The following AZI2 variants were observed in gnomAD, a reference collection of about 807,000 sequenced individuals.
The protein encoded by AZI2 is 5-azacytidine-induced protein 2.
Under a neutral mutation model 45.8 loss-of-function variants are expected in AZI2, and 22 were observed. The observed-to-expected ratio is 0.48, with a 90% CI of 0.34 to 0.69. The LOEUF (loss-of-function observed/expected upper bound fraction) is 0.69. AZI2 is among the 30% of genes least tolerant of loss of function. AZI2 has a pLI of 0.01. For synonymous variants in AZI2, 137 were observed against 156.7 expected (o/e 0.87, Z 0.94); for missense variants, 417 against 441.5 (o/e 0.94, Z 0.50).
At chr3:28,324,487 T>C in intron 7 of AZI2, 33 bp from the exon 8 acceptor site, 1 of 1,425,828 alleles carries the variant, frequency 7.0e-7, no homozygotes, top group Non-Finnish European at 9.3e-7. Context: ...ATGTCAGTTT[T>C]CATTACATTT....
At chr3:28,325,755 AT>A (rs936189752) in intron 7 of AZI2, among the ~76,000 whole-genome samples, 2 of 151,176 alleles carry the variant, frequency 1.3e-5, no homozygotes, top group African/African-American at 4.8e-5. Context: ...TTATAGAGAG[AT>A]CTTATTTGTA....
chr3:28,331,841 T>C, intron 6 of AZI2: 1 of 1,545,274 alleles, frequency 6.5e-7, no homozygotes, highest in Middle Eastern at 1.7e-4. Context: ...GTTGAAAAAG[T>C]ATATGAACTC....
chr3:28,326,392 A>G (rs1179933644), intron 7 of AZI2: 5 of 159,842 alleles, frequency 3.1e-5, no homozygotes, highest in Non-Finnish European at 2.7e-5. Context: ...AAAAACCCAA[A>G]TAATGAATCA....
intron 4 of AZI2, among the ~76,000 whole-genome samples, chr3:28,337,288 A>T (rs2125655579): frequency 6.6e-6 from 1 of 152,270 alleles, no homozygotes; most frequent in African/African-American, 2.4e-5. Context: ...ATTTATCCTT[A>T]AACATTCCAC....
intron 5 of AZI2, among the ~76,000 whole-genome samples, chr3:28,334,021 G>A (rs1026391414): frequency 6.6e-6 from 1 of 151,166 alleles, no homozygotes; most frequent in Non-Finnish European, 1.5e-5. Context: ...CAATGGTTCT[G>A]AATATAAATG....
chr3:28,321,697 T>TTCAAG lies in AZI2; in HGVS notation c.*2340_*2344dup. 1 of 151,492 alleles carries TTCAAG rather than the reference T, an allele frequency of 6.6e-6. No homozygotes were observed. The highest frequency in any genetic ancestry group is 2.4e-5 in the African/African-American group (1 of 41,482). The allele number at this position is 151,492 out of a possible 1,614,324, so 9.4% of individuals were successfully genotyped here. On this transcript the variant is annotated 3_prime_UTR_variant, in exon 8 of 8. Coordinates refer to ENST00000479665, the MANE Select transcript of AZI2 (RefSeq NM_022461.5). ...ACTTTGTTGTCACATGATTCAGCTC[T>TTCAAG]TCAAGTCTGAATTTTCCCATTTATT...
intron 1 of AZI2, among the ~76,000 whole-genome samples, chr3:28,344,947 G>A (rs1444169489): frequency 2.0e-5 from 3 of 152,086 alleles, no homozygotes; most frequent in South Asian, 4.1e-4. Flanking sequence ...ACTTCTCTCA[G>A]TGATGAAAAT....
At chr3:28,326,219 A>AGT (rs1703382784) in intron 7 of AZI2, among the ~76,000 whole-genome samples, 1 of 151,074 alleles carries the variant, frequency 6.6e-6, no homozygotes, top group Admixed American at 6.6e-5. Context: ...AGTAGCTACT[A>AGT]CTAGTTAACA....
chr3:28,331,951 C>CT (rs1477835042), intron 6 of AZI2: 3 of 1,526,764 alleles, frequency 2.0e-6, no homozygotes, highest in East Asian at 2.5e-5. Flanking sequence ...TACAGATACT[C>CT]TGTCTCAAAA....
intron 1 of AZI2, among the ~76,000 whole-genome samples, chr3:28,342,681 T>C (rs943492847): frequency 2.7e-5 from 4 of 150,056 alleles, no homozygotes; most frequent in African/African-American, 7.4e-5. Context: ...AAAGTATGCA[T>C]ATATATCTTC....
At chr3:28,327,978 A>G (rs1293375925) in intron 6 of AZI2, among the ~76,000 whole-genome samples, 1 of 150,414 alleles carries the variant, frequency 6.6e-6, no homozygotes, top group African/African-American at 2.4e-5. Flanking sequence ...CTTCAAAAGG[A>G]TAACATTTTT....
intron 3 of AZI2, 74 bp from the exon 4 acceptor site, chr3:28,338,110 A>G: frequency 1.2e-6 from 1 of 802,348 alleles, no homozygotes; most frequent in Non-Finnish European, 1.8e-6. Flanking sequence ...TTTCAGGAAG[A>G]TACTGAAAAA....
intron 1 of AZI2, among the ~76,000 whole-genome samples, chr3:28,345,130 C>G (rs186474944): frequency 6.6e-6 from 1 of 152,234 alleles, no homozygotes; most frequent in Non-Finnish European, 1.5e-5. Flanking sequence ...CACTGCAGAT[C>G]TATGCAAATC....
intron 6 of AZI2, among the ~76,000 whole-genome samples, chr3:28,328,711 T>C (rs1251973477): frequency 1.3e-5 from 2 of 151,266 alleles, no homozygotes; most frequent in Non-Finnish European, 3.0e-5. Flanking sequence ...AAACTACAGA[T>C]AGACAAATCT....
At chr3:28,326,270 A>G (rs1703384409) in intron 7 of AZI2, among the ~76,000 whole-genome samples, 1 of 151,092 alleles carries the variant, frequency 6.6e-6, no homozygotes, top group Admixed American at 6.6e-5. Flanking sequence ...GTTAAATATG[A>G]AAGGCAAAGC....
At chr3:28,339,312 G>A (rs1703920892) in intron 2 of AZI2, among the ~76,000 whole-genome samples, 1 of 152,038 alleles carries the variant, frequency 6.6e-6, no homozygotes, top group African/African-American at 2.4e-5. Flanking sequence ...ATAGATGTGT[G>A]TGTTAATTTG....
intron 5 of AZI2, among the ~76,000 whole-genome samples, chr3:28,333,011 A>G (rs761996281): frequency 2.0e-5 from 3 of 151,756 alleles, no homozygotes; most frequent in Non-Finnish European, 4.4e-5. Flanking sequence ...CCTTCAGAAG[A>G]TATTTTTAAA....
rs116007512 is a variant in AZI2, at chr3:28,329,541, C to T, written c.648-2591G>A. ...CTTACAAAGTGTAACAGCTAAAAGCCCAGCTTTCTTAATTGACACTATATA... is the reference window on the plus strand; with the variant it reads ...CTTACAAAGTGTAACAGCTAAAAGCTCAGCTTTCTTAATTGACACTATATA... On this transcript the variant is annotated intron_variant, in intron 6 of 7. Coordinates refer to ENST00000479665, the MANE Select transcript of AZI2 (RefSeq NM_022461.5). Among the ~76,000 whole-genome samples the T allele has an allele frequency of 7.7e-3, 1,157 of 151,148 alleles. 15 individuals are homozygous for T. The highest frequency in any genetic ancestry group is 0.026 in the African/African-American group (1,067 of 41,372).
At chr3:28,324,596 T>A in intron 7 of AZI2, 142 bp from the exon 8 acceptor site, 1 of 659,708 alleles carries the variant, frequency 1.5e-6, no homozygotes, top group Non-Finnish European at 2.2e-6. Flanking sequence ...GCACTGTGAC[T>A]AGGAGATAAA....
Sources: gnomAD v4.1 joint callset for allele counts (sites outside exome capture counted in the v4.1 genomes callset) on GRCh38, gnomAD v4.1.1 for gene constraint, MANE v1.5 for transcripts, NCBI Gene and HGNC (gene_info 2026-07-23, HGNC 2026-07-21) for gene names.